The following CPLANE1 variants were observed in gnomAD, a reference collection of about 807,000 sequenced individuals.
CPLANE1 encodes ciliogenesis and planar polarity effector complex subunit 1, also known as ciliogenesis and planar polarity effector 1.
CPLANE1 carries 263 observed loss-of-function variants against 362.5 expected under a neutral mutation model. The ratio of observed to expected loss-of-function variants is 0.73; its 90% CI spans 0.66 to 0.80. The LOEUF is 0.80. Among genes scored for constraint, CPLANE1 ranks in the 30% least tolerant of loss-of-function variants. CPLANE1 has a pLI of 0.00. For synonymous variants in CPLANE1, 1,212 were observed against 1,302.6 expected (o/e 0.93, Z 1.50); for missense variants, 3,461 against 3,793.4 (o/e 0.91, Z 2.30).
intron 42 of CPLANE1, among the ~76,000 whole-genome samples, chr5:37,149,786 T>C (rs1005052149): frequency 3.3e-5 from 5 of 152,226 alleles, no homozygotes; most frequent in Non-Finnish European, 5.9e-5. Flanking sequence ...AGGGGACTAC[T>C]GTACGTAAGG....
rs748662745 is a variant in CPLANE1, at chr5:37,157,848, A to G, written c.7833T>C (p.Asn2611=). 1 of 1,564,656 alleles carries G rather than the reference A, an allele frequency of 6.4e-7. No individual in the cohort carries two copies. Among genetic ancestry groups the G allele is most frequent in the East Asian group, 2.4e-5 (1 of 41,014 alleles). The part of the protein sequence containing the change: ...VTNLVGHTYI[N]VIDIEANDLL... ...GATCATTAGCTTCAATGTCAATCAC[A>G]TTTATATAAGTATGTCCAACCTGAG... Residue 2611 remains asparagine, a synonymous_variant, in exon 40 of 53, where the codon AAT becomes AAC. Transcript: ENST00000651892.
intron 18 of CPLANE1, 77 bp downstream of exon 18, chr5:37,205,238 G>T: frequency 1.1e-6 from 1 of 903,556 alleles, no homozygotes; most frequent in Non-Finnish European, 1.5e-6. Flanking sequence ...TACATTTGTA[G>T]ACATGTATAA....
intron 6 of CPLANE1, among the ~76,000 whole-genome samples, chr5:37,241,487 G>A (rs1475517350): frequency 6.6e-6 from 1 of 151,588 alleles, no homozygotes; most frequent in Non-Finnish European, 1.5e-5. Flanking sequence ...AGATAGATAG[G>A]TAGATAGACA....
chr5:37,107,833 C>A, intron 52 of CPLANE1, 55 bp from the exon 53 acceptor site: 1 of 1,471,324 alleles, frequency 6.8e-7, no homozygotes, highest in South Asian at 1.4e-5. Context: ...AACAAAAAAA[C>A]AAAAACAAAA....
At chr5:37,076,261 A>T in the CPLANE1 span, among the ~76,000 whole-genome samples, 1 of 151,966 alleles carries the variant, frequency 6.6e-6, no homozygotes, top group Non-Finnish European at 1.5e-5. Context: ...CTCAAAAAAA[A>T]AAAAAAGAAA....
intron 13 of CPLANE1, 52 bp from the exon 14 acceptor site, chr5:37,224,385 A>C (rs187605416): frequency 1.4e-6 from 2 of 1,379,876 alleles, no homozygotes; most frequent in East Asian, 2.5e-5. Context: ...TTACTTCATA[A>C]AAATTTACTT....
the CPLANE1 span, chr5:37,085,386 C>T: frequency 2.3e-6 from 3 of 1,277,134 alleles, no homozygotes; most frequent in South Asian, 3.6e-5. Context: ...CTTTGCTGTA[C>T]ATCGTATTAC....
chr5:37,079,444 T>C, the CPLANE1 span, among the ~76,000 whole-genome samples: 1 of 152,216 alleles, frequency 6.6e-6, no homozygotes, highest in African/African-American at 2.4e-5. Flanking sequence ...TTTAAAATGT[T>C]GTTTGTTTTT....
At chr5:37,214,197 G>C (rs1446078309) in intron 15 of CPLANE1, among the ~76,000 whole-genome samples, 1 of 152,140 alleles carries the variant, frequency 6.6e-6, no homozygotes, top group Non-Finnish European at 1.5e-5. Context: ...GGGTACAGTG[G>C]CTTACACCTA....
chr5:37,244,339 T>C, intron 5 of CPLANE1, 36 bp downstream of exon 5: 2 of 1,416,524 alleles, frequency 1.4e-6, no homozygotes, highest in Non-Finnish European at 1.9e-6. Flanking sequence ...ACTCTGCTAA[T>C]CTGCTTCACA....
intron 43 of CPLANE1, 78 bp downstream of exon 43, chr5:37,148,103 G>T: frequency 2.1e-6 from 2 of 950,702 alleles, no homozygotes; most frequent in East Asian, 2.6e-5. Flanking sequence ...CCTACTTCTG[G>T]CACTCCACAA....
At chr5:37,125,201 C>G in intron 47 of CPLANE1, 43 bp downstream of exon 47, 1 of 1,555,612 alleles carries the variant, frequency 6.4e-7, no homozygotes, top group Non-Finnish European at 8.7e-7. Flanking sequence ...AAAGTAATTA[C>G]ACATATTCTG....
intron 14 of CPLANE1, 92 bp from the exon 15 acceptor site, chr5:37,221,580 A>G: frequency 1.2e-6 from 1 of 820,936 alleles, no homozygotes; most frequent in Non-Finnish European, 1.7e-6. Context: ...TAGTTTGTGA[A>G]AATTCATCAA....
chr5:37,201,542 T>C (rs771376740), intron 19 of CPLANE1, 49 bp downstream of exon 19: 2 of 1,466,608 alleles, frequency 1.4e-6, no homozygotes, highest in African/African-American at 2.8e-5. Flanking sequence ...TTTAAAAACT[T>C]GACAAAATCA....
intron 50 of CPLANE1, among the ~76,000 whole-genome samples, chr5:37,115,597 CTTT>C (rs202050168): frequency 7.2e-5 from 9 of 124,640 alleles, no homozygotes; most frequent in Middle Eastern, 4.3e-3. Flanking sequence ...ACTTTTATTT[CTTT>C]TTTTTTTTTT....
rs540743840 is a variant in CPLANE1 at position 37,230,619 on chromosome 5, AT to A, written c.1121+247del. On this transcript the variant is annotated intron_variant, in intron 9 of 52. Coordinates refer to ENST00000651892, the MANE Select transcript of CPLANE1 (RefSeq NM_001384732.1). ...TTTATTAACTTTTATATCAAAGAAGATAATTTTTCGTGCTATTAAATATTTA... is the reference window on the plus strand; with the variant it reads ...TTTATTAACTTTTATATCAAAGAAGAAATTTTTCGTGCTATTAAATATTTA... Among the ~76,000 whole-genome samples the A allele has an allele frequency of 2.4e-4, 36 of 152,258 alleles. No homozygotes were observed. In the South Asian group the frequency reaches 4.6e-3, roughly 19 times the overall value.
the CPLANE1 span, among the ~76,000 whole-genome samples, chr5:37,099,427 G>T: frequency 6.6e-6 from 1 of 152,160 alleles, no homozygotes; most frequent in South Asian, 2.1e-4. Context: ...GTTTACTGAT[G>T]ATTATGGCTC....
At position 37,164,282 on chromosome 5, in the gene CPLANE1, C is replaced by T. The variant is rs749261159; in HGVS notation, c.7579G>A (p.Val2527Ile). Residue 2527 changes from valine (V) to isoleucine (I), a missense_variant, in exon 37 of 53, where the codon GTT (valine) becomes ATT (isoleucine). Coordinates refer to ENST00000651892, the MANE Select transcript of CPLANE1 (RefSeq NM_001384732.1). Reference protein sequence around the residue: ...CGSHPLDDFDVPFEMLQDDNT... With the variant: ...CGSHPLDDFDIPFEMLQDDNT... Reference sequence around the variant, plus strand: ...TCATACACATACATACCAAAAGGAACGTCGAAGTCATCCAAAGGATGGGAA... The same window carrying T: ...TCATACACATACATACCAAAAGGAATGTCGAAGTCATCCAAAGGATGGGAA... The T allele has an allele frequency of 1.2e-5, 19 of 1,611,746 alleles. No homozygotes were observed. Among genetic ancestry groups the T allele is most frequent in the African/African-American group, 2.7e-5 (2 of 74,792 alleles).
chr5:37,223,989 G>C (rs1293312993), intron 14 of CPLANE1, among the ~76,000 whole-genome samples: 1 of 152,162 alleles, frequency 6.6e-6, no homozygotes, highest in Admixed American at 6.6e-5. Flanking sequence ...AAGATTTTTA[G>C]TGTTACCAAT....
Sources: allele counts gnomAD v4.1 joint callset (sites outside exome capture counted in the v4.1 genomes callset), GRCh38; gene constraint gnomAD v4.1.1; transcripts MANE v1.5; gene names NCBI Gene and HGNC (gene_info 2026-07-23, HGNC 2026-07-21).